COL4A5: variants seen among roughly 807,000 people sequenced by gnomAD.
COL4A5 encodes collagen type IV alpha 5 chain, also known as collagen alpha-5(IV) chain.
Under a neutral mutation model 130.2 loss-of-function variants are expected in COL4A5, and 26 were observed. The ratio of observed to expected loss-of-function variants is 0.20; its 90% confidence interval spans 0.15 to 0.28. The LOEUF is 0.28. COL4A5 is among the 10% of genes least tolerant of loss of function. The probability of loss-of-function intolerance (pLI) is 1.00; values close to 1 mark genes in which losing one functional copy is unlikely to be tolerated. For missense variants in COL4A5, 1,131 were observed against 1,344.3 expected (o/e 0.84, Z 2.48); for synonymous variants, 496 against 439.6 (o/e 1.13, Z -1.60).
chrX:108,670,347 A>T (rs1344701222), intron 42 of COL4A5, 111 bp downstream of exon 42: 3 of 1,141,612 alleles, frequency 2.6e-6, no homozygotes, highest in Non-Finnish European at 3.5e-6. Context: ...TGCCAATTCA[A>T]TTCTTACATA....
chrX:108,641,275 G>A (rs927420332), intron 36 of COL4A5, among the ~76,000 whole-genome samples: 2 of 111,710 alleles, frequency 1.8e-5, no homozygotes, highest in African/African-American at 6.5e-5. Flanking sequence ...ACTTGTACTT[G>A]AATACTCACA....
intron 28 of COL4A5, among the ~76,000 whole-genome samples, chrX:108,604,239 T>C (rs1451218163): frequency 8.9e-6 from 1 of 112,526 alleles, no homozygotes; most frequent in East Asian, 2.8e-4. Flanking sequence ...TCACTATTTA[T>C]GACAGCTATA....
chrX:108,543,361 G>C (rs1249577807), intron 2 of COL4A5, among the ~76,000 whole-genome samples: 2 of 111,862 alleles, frequency 1.8e-5, no homozygotes, highest in African/African-American at 6.5e-5. Context: ...TTATTAAATA[G>C]GGAATCCTTT....
intron 1 of COL4A5, among the ~76,000 whole-genome samples, chrX:108,479,851 G>T (rs962290761): frequency 1.8e-5 from 2 of 111,619 alleles, no homozygotes; most frequent in African/African-American, 6.5e-5. Context: ...TTCAGTTTCC[G>T]CCAAAGCCCA....
chrX:108,665,534 G>T lies in COL4A5; in HGVS notation c.3401G>T (p.Gly1134Val). ...ACCCCAGGCCCTCCTGGACCAAAAG[G>T]TATTAGTGGCCCTCCTGGGAACCCC... ...PGTPGPPGPK[G>V]ISGPPGNPGL... Residue 1134 changes from glycine (G) to valine (V), a missense_variant, in exon 38 of 53, where the codon GGT becomes GTT. Gly to Val is a moderately radical substitution (Grantham distance 109). Coordinates refer to ENST00000328300, the MANE Select transcript of COL4A5 (RefSeq NM_033380.3). The T allele has an allele frequency of 8.3e-7, 1 of 1,209,175 alleles. No individual in the cohort carries two copies. The highest frequency in any genetic ancestry group is 1.1e-6 in the Non-Finnish European group (1 of 893,590).
chrX:108,521,959 T>G (rs1368953215), intron 1 of COL4A5, among the ~76,000 whole-genome samples: 1 of 111,098 alleles, frequency 9.0e-6, no homozygotes, highest in Non-Finnish European at 1.9e-5. Flanking sequence ...AGCTGTCACG[T>G]TCCATGGCAG....
chrX:108,665,896 C>T (rs1416680747), intron 38 of COL4A5, among the ~76,000 whole-genome samples: 1 of 110,991 alleles, frequency 9.0e-6, no homozygotes, highest in Non-Finnish European at 1.9e-5. Context: ...ATTAAAAATA[C>T]AAAATATTAG....
At chrX:108,558,053 T>C (rs1394726632) in intron 2 of COL4A5, among the ~76,000 whole-genome samples, 7 of 104,008 alleles carry the variant, frequency 6.7e-5, no homozygotes, top group African/African-American at 2.1e-4. Flanking sequence ...TAGGTATATC[T>C]CCTAATGCTA....
At chrX:108,440,874 T>C (rs1363398292) in intron 1 of COL4A5, among the ~76,000 whole-genome samples, 1 of 111,964 alleles carries the variant, frequency 8.9e-6, no homozygotes, top group Admixed American at 9.5e-5. Context: ...TTCTAAATTA[T>C]GGGTTTTTTT....
intron 1 of COL4A5, among the ~76,000 whole-genome samples, chrX:108,502,315 C>T (rs1045950662): frequency 6.3e-5 from 7 of 110,958 alleles, no homozygotes; most frequent in South Asian, 7.6e-4. Flanking sequence ...GATGGAGTTT[C>T]GTTCTTGTTG....
chrX:108,539,129 C>T (rs754993721), intron 1 of COL4A5, among the ~76,000 whole-genome samples: 1 of 111,162 alleles, frequency 9.0e-6, no homozygotes, highest in East Asian at 2.8e-4. Context: ...GTCTAGTTGC[C>T]AAGGTCATTG....
At chrX:108,598,178 C>G (rs1307749720) in intron 24 of COL4A5, among the ~76,000 whole-genome samples, 1 of 110,586 alleles carries the variant, frequency 9.0e-6, no homozygotes, top group East Asian at 2.8e-4. Flanking sequence ...GCAACAAGAG[C>G]AAAACTCCAT....
intron 1 of COL4A5, among the ~76,000 whole-genome samples, chrX:108,499,927 A>C (rs1476667280): frequency 8.9e-6 from 1 of 111,790 alleles, no homozygotes; most frequent in African/African-American, 3.2e-5. Context: ...GTACATATGC[A>C]TGCCCACACA....
chrX:108,476,822 A>G lies in COL4A5; in HGVS notation c.81+36616A>G, dbSNP rs747165597. ...TATATATACCACATTTTCTTTATCT[A>G]TTCATCTGTTGATGGACACATGGTT... On this transcript the variant is annotated intron_variant, in intron 1 of 52. Transcript: ENST00000328300. Among the ~76,000 whole-genome samples the G allele has an allele frequency of 2.1e-4, 23 of 111,657 alleles. 1 individual carries two copies. The South Asian group carries it at 5.2e-3, about 25-fold the overall frequency.
intron 36 of COL4A5, among the ~76,000 whole-genome samples, chrX:108,636,939 C>CTTT (rs59497827): frequency 1.2e-4 from 9 of 76,377 alleles, no homozygotes; most frequent in Admixed American, 1.5e-4. Flanking sequence ...AATGTAATGT[C>CTTT]TTTTTTTTTT....
At chrX:108,587,691 T>G (rs2066359505) in intron 19 of COL4A5, among the ~76,000 whole-genome samples, 1 of 111,564 alleles carries the variant, frequency 9.0e-6, no homozygotes, top group African/African-American at 3.2e-5. Context: ...TTGAAGAACC[T>G]CCATACTTTT....
intron 31 of COL4A5, among the ~76,000 whole-genome samples, chrX:108,620,716 G>C (rs1034192218): frequency 2.7e-5 from 3 of 111,963 alleles, no homozygotes; most frequent in Admixed American, 9.5e-5. Context: ...GGGATGACTT[G>C]ACTGGTTCAT....
intron 1 of COL4A5, among the ~76,000 whole-genome samples, chrX:108,503,837 C>G (rs2065101694): frequency 9.0e-6 from 1 of 111,689 alleles, no homozygotes. Flanking sequence ...TCTACAGATT[C>G]AATGCAATAC....
At position 108,595,513 on chromosome X, in the gene COL4A5, C is replaced by T; in HGVS notation, c.1428C>T (p.Asp476=). The change falls in exon 22 of 53, where the codon GAC becomes GAT. Residue 476 remains aspartate (D), a synonymous_variant. Transcript: ENST00000328300. ...TTGTTATTATGATTTCACTAGGTGA[C>T]AAAGGTGACACTTGCTTCAACTGCA... The part of the protein sequence containing the change: ...GLQGEQGVKG[D]KGDTCFNCIG... 8.3e-7 allele frequency: 1 copy of T among 1,211,284 alleles called. No homozygotes were observed. The highest frequency in any genetic ancestry group is 1.1e-6 in the Non-Finnish European group (1 of 894,894).
Sources: allele counts gnomAD v4.1 joint callset (sites outside exome capture counted in the v4.1 genomes callset), GRCh38; gene constraint gnomAD v4.1.1; transcripts MANE v1.5; gene names NCBI Gene and HGNC (gene_info 2026-07-23, HGNC 2026-07-21).